The following DDX19B variants were observed in gnomAD, a reference collection of about 807,000 sequenced individuals.
DDX19B encodes the protein DEAD-box helicase 19B, also known as ATP-dependent RNA helicase DDX19B.
A neutral mutation model predicts 58.1 loss-of-function variants in DDX19B; 27 were observed. The observed-to-expected ratio is 0.46, with a 90% CI of 0.34 to 0.64. The LOEUF (loss-of-function observed/expected upper bound fraction) is 0.64, where lower values mean the gene tolerates loss of function less well. DDX19B is among the 30% of genes least tolerant of loss of function. The pLI is 0.01. For missense variants in DDX19B, 399 were observed against 596.5 expected, an observed-to-expected ratio of 0.67 and a Z score of 3.45; for synonymous variants, 187 against 214.4, an observed-to-expected ratio of 0.87 and a Z score of 1.12.
At chr16:70,320,554 T>G (rs1353070618) in intron 5 of DDX19B, among the ~76,000 whole-genome samples, 1 of 130,036 alleles carries the variant, frequency 7.7e-6, no homozygotes, top group African/African-American at 4.3e-5. Context: ...TTTATACAAT[T>G]TTTTTTTTTT....
chr16:70,311,842 C>A (rs1018425895), intron 1 of DDX19B, among the ~76,000 whole-genome samples: 1 of 151,252 alleles, frequency 6.6e-6, no homozygotes, highest in Non-Finnish European at 1.5e-5. Flanking sequence ...CTTTTCTTTT[C>A]TTTTCTTTTT....
upstream of DDX19B, chr16:70,294,683 G>A (rs1486158136): frequency 4.1e-6 from 2 of 483,472 alleles, no homozygotes; most frequent in African/African-American, 2.0e-5. Flanking sequence ...GGAGGCTTGC[G>A]CTTGTCTTTG....
upstream of DDX19B, chr16:70,298,955 T>C (rs1961332790): frequency 3.0e-6 from 1 of 330,716 alleles, no homozygotes; most frequent in African/African-American, 2.1e-5. Context: ...TATTAGTGCC[T>C]ACTCTGCCAC....
intron 5 of DDX19B, among the ~76,000 whole-genome samples, chr16:70,319,359 A>G (rs1962634133): frequency 6.6e-6 from 1 of 152,072 alleles, no homozygotes; most frequent in Admixed American, 6.6e-5. Flanking sequence ...TACAAATCTC[A>G]TAGACATTTA....
intron 7 of DDX19B, 36 bp from the exon 8 acceptor site, chr16:70,329,256 T>G: frequency 8.3e-7 from 1 of 1,208,584 alleles, no homozygotes. Context: ...AAGAAAGAAA[T>G]ACCCACACAT....
At chr16:70,327,817 C>T (rs1963253119) in intron 7 of DDX19B, among the ~76,000 whole-genome samples, 1 of 152,014 alleles carries the variant, frequency 6.6e-6, no homozygotes, top group Non-Finnish European at 1.5e-5. Context: ...ATTTTTTCTA[C>T]ACTAGTTTGT....
rs1321030000 is a variant in DDX19B, at chr16:70,333,783, AC to A, written c.*203del. ...ATGGTAGAAAAAAATTATTTACACA[AC>A]CTTGGAAGATTAGGCATGAATACAC... On this transcript the variant is annotated 3_prime_UTR_variant, in exon 12 of 12. Coordinates refer to ENST00000288071, the MANE Select transcript of DDX19B (RefSeq NM_007242.7). 7 of 724,722 alleles carry A rather than the reference AC, an allele frequency of 9.7e-6. No individual in the cohort carries two copies. Among genetic ancestry groups the A allele is most frequent in the Non-Finnish European group, 1.6e-5 (7 of 433,198 alleles). The allele number at this position is 724,722 out of a possible 1,614,324, so 44.9% of individuals were successfully genotyped here. A position where few individuals can be genotyped will look rare whatever the true frequency, so the allele number is the denominator to read the frequency against.
In DDX19B at chr16:70,316,046, C is replaced by T. The variant is rs1424273970; in HGVS notation, c.238C>T (p.Leu80=). 1.9e-6 allele frequency: 3 copies of T among 1,614,058 alleles called. No homozygotes were observed. Among genetic ancestry groups the T allele is most frequent in the African/African-American group, 2.7e-5 (2 of 75,010 alleles). Residue 80 remains leucine, a synonymous_variant, in exon 4 of 12, where the codon CTG becomes TTG. Transcript: ENST00000288071. ...LVDNTNQVEV[L]QRDPNSPLYS... ...TGATAACACAAACCAAGTGGAAGTC[C>T]TGCAGCGGGATCCAAACTCCCCTCT...
At chr16:70,326,629 C>T (rs1250894915) in intron 7 of DDX19B, among the ~76,000 whole-genome samples, 3 of 151,738 alleles carry the variant, frequency 2.0e-5, no homozygotes, top group African/African-American at 7.3e-5. Flanking sequence ...CTCTGCCCTC[C>T]GGGTTCAAGT....
At chr16:70,300,843 T>A (rs113433085) in intron 1 of DDX19B, among the ~76,000 whole-genome samples, 1 of 152,206 alleles carries the variant, frequency 6.6e-6, no homozygotes, top group East Asian at 1.9e-4. Flanking sequence ...TACTTTTCTA[T>A]AAAATTTATT....
At chr16:70,327,586 AG>A (rs1963239289) in intron 7 of DDX19B, among the ~76,000 whole-genome samples, 1 of 150,908 alleles carries the variant, frequency 6.6e-6, no homozygotes, top group Admixed American at 6.6e-5. Flanking sequence ...TTGTAAAGAC[AG>A]TGTCTTGCTA....
intron 1 of DDX19B, among the ~76,000 whole-genome samples, chr16:70,303,747 G>A (rs1469730749): frequency 6.6e-6 from 1 of 151,776 alleles, no homozygotes; most frequent in African/African-American, 2.4e-5. Flanking sequence ...TTTTAGTAGA[G>A]ATGGGGTTTC....
At chr16:70,290,395 C>T (rs911970312), upstream of DDX19B, among the ~76,000 whole-genome samples, 1 of 152,048 alleles carries the variant, frequency 6.6e-6, no homozygotes, top group Admixed American at 6.6e-5. Context: ...ATTAGCCGGG[C>T]GCGCATCTGT....
chr16:70,327,045 A>G (rs1237460475), intron 7 of DDX19B, among the ~76,000 whole-genome samples: 7 of 150,044 alleles, frequency 4.7e-5, no homozygotes, highest in South Asian at 2.1e-4. Flanking sequence ...TGTGTTAGCC[A>G]GGATGGTCTC....
chr16:70,315,840 C>A, intron 3 of DDX19B, 129 bp from the exon 4 acceptor site: 1 of 1,276,028 alleles, frequency 7.8e-7, no homozygotes. Flanking sequence ...TAAGTCAAAA[C>A]TATGACGTAC....
At chr16:70,324,051 G>C (rs1317832000) in intron 5 of DDX19B, among the ~76,000 whole-genome samples, 1 of 152,104 alleles carries the variant, frequency 6.6e-6, no homozygotes, top group Admixed American at 6.6e-5. Context: ...GTAAGGGAGA[G>C]AGAGTAGTAG....
intron 9 of DDX19B, 71 bp from the exon 10 acceptor site, chr16:70,331,651 C>A: frequency 6.5e-7 from 1 of 1,542,240 alleles, no homozygotes; most frequent in Non-Finnish European, 8.7e-7. Context: ...CGTGGCAAGC[C>A]ACTTTTTAGC....
chr16:70,302,514 C>T (rs1479733118), intron 1 of DDX19B, among the ~76,000 whole-genome samples: 1 of 152,150 alleles, frequency 6.6e-6, no homozygotes, highest in Admixed American at 6.6e-5. Context: ...TTTGAAAAGT[C>T]TGGCTTCTTC....
At chr16:70,322,566 G>C (rs1339972841) in intron 5 of DDX19B, among the ~76,000 whole-genome samples, 4 of 146,160 alleles carry the variant, frequency 2.7e-5, no homozygotes, top group Admixed American at 2.1e-4. Context: ...TCCAGTCTGG[G>C]CGACAAAGTG....
Sources: allele counts gnomAD v4.1 joint callset (sites outside exome capture counted in the v4.1 genomes callset), GRCh38; gene constraint gnomAD v4.1.1; transcripts MANE v1.5; gene names NCBI Gene and HGNC (gene_info 2026-07-23, HGNC 2026-07-21).